Variants in SEMA6D observed in about 807,000 individuals in gnomAD.
SEMA6D encodes semaphorin 6D.
A neutral mutation model predicts 106.6 loss-of-function variants in SEMA6D; 35 were observed. The ratio of observed to expected loss-of-function variants is 0.33; its 90% CI spans 0.25 to 0.44. SEMA6D has a LOEUF of 0.44. Ranked by LOEUF, SEMA6D falls within the 20% of genes least tolerant of loss-of-function variation. The pLI is 1.00. For missense variants in SEMA6D, 1,185 were observed against 1,345.9 expected (o/e 0.88, Z 1.87); for synonymous variants, 499 against 487.7 (o/e 1.02, Z -0.31).
At chr15:47,336,300 C>T (rs997670187) in intron 1 of SEMA6D, among the ~76,000 whole-genome samples, 2 of 152,170 alleles carry the variant, frequency 1.3e-5, no homozygotes, top group Non-Finnish European at 2.9e-5. Context: ...GGCCTGTAAA[C>T]CTGTCCTTCA....
At chr15:47,355,494 G>A (rs1434819947) in intron 1 of SEMA6D, among the ~76,000 whole-genome samples, 1 of 152,148 alleles carries the variant, frequency 6.6e-6, no homozygotes, top group Non-Finnish European at 1.5e-5. Context: ...TAAAGACTGC[G>A]TGTGTGTATG....
chr15:47,328,953 C>G (rs971894093), intron 1 of SEMA6D, among the ~76,000 whole-genome samples: 1 of 152,198 alleles, frequency 6.6e-6, no homozygotes, highest in African/African-American at 2.4e-5. Context: ...TCATTCATCA[C>G]TATAATAAAC....
At chr15:47,396,303 GAT>G (rs34220041) in intron 1 of SEMA6D, 5 of 150,108 alleles carry the variant, frequency 3.3e-5, no homozygotes, top group Admixed American at 6.7e-5. Flanking sequence ...TAACAGAATA[GAT>G]ATATATATAT....
chr15:47,764,446 T>G, intron 11 of SEMA6D, 141 bp downstream of exon 11: 1 of 1,269,180 alleles, frequency 7.9e-7, no homozygotes, highest in Non-Finnish European at 1.1e-6. Flanking sequence ...AGACATAGCC[T>G]TGTGACCTGC....
chr15:47,750,764 G>A lies in SEMA6D; in HGVS notation c.-54-8981G>A, dbSNP rs561026509. ...ACCTGGGAACCCACATTCCTAGAAG[G>A]AGGAAGGGTCTCAGAGTTGGGGCCT... On this transcript the variant is annotated intron_variant, in intron 1 of 18. Coordinates refer to ENST00000536845, the MANE Select transcript of SEMA6D (RefSeq NM_001358351.3). 1.1e-4 allele frequency among the ~76,000 whole-genome samples: 17 copies of A among 152,322 alleles called. No homozygotes were observed. In the South Asian group the frequency reaches 3.3e-3, roughly 30 times the overall value.
chr15:47,650,986 G>C (rs1292780461), intron 4 of SEMA6D, among the ~76,000 whole-genome samples: 2 of 152,182 alleles, frequency 1.3e-5, no homozygotes, highest in Admixed American at 1.3e-4. Context: ...GGGTGCTCGT[G>C]ATTGTCTATG....
At chr15:47,767,321 C>A in intron 17 of SEMA6D, 1 of 389,064 alleles carries the variant, frequency 2.6e-6, no homozygotes, top group Non-Finnish European at 4.6e-6. Flanking sequence ...TAAGAAAATT[C>A]AAATGGGCTA....
chr15:47,476,647 G>T (rs888323156), intron 3 of SEMA6D, among the ~76,000 whole-genome samples: 1 of 152,066 alleles, frequency 6.6e-6, no homozygotes, highest in Non-Finnish European at 1.5e-5. Flanking sequence ...GAATGGGGGT[G>T]GGGGGAGCAT....
intron 3 of SEMA6D, among the ~76,000 whole-genome samples, chr15:47,477,435 G>A (rs1450138951): frequency 1.3e-5 from 2 of 152,132 alleles, no homozygotes; most frequent in Non-Finnish European, 2.9e-5. Flanking sequence ...CCATTAATCT[G>A]TAGCAGGGAA....
intron 1 of SEMA6D, among the ~76,000 whole-genome samples, chr15:47,308,383 C>G (rs1164955710): frequency 6.6e-6 from 1 of 152,132 alleles, no homozygotes; most frequent in African/African-American, 2.4e-5. Context: ...GGCATAACTT[C>G]AGGTATATAG....
At chr15:47,678,935 A>G (rs1037589158) in intron 4 of SEMA6D, among the ~76,000 whole-genome samples, 1 of 152,198 alleles carries the variant, frequency 6.6e-6, no homozygotes, top group African/African-American at 2.4e-5. Flanking sequence ...TAAAATGGGA[A>G]TGAAAGCCAG....
chr15:47,225,779 C>T (rs2031611895), intron 1 of SEMA6D, among the ~76,000 whole-genome samples: 1 of 152,002 alleles, frequency 6.6e-6, no homozygotes, highest in Non-Finnish European at 1.5e-5. Flanking sequence ...ATCCGCCCAC[C>T]ATGGCCTCCC....
At chr15:47,392,107 A>C (rs1365184386) in intron 1 of SEMA6D, among the ~76,000 whole-genome samples, 1 of 152,096 alleles carries the variant, frequency 6.6e-6, no homozygotes, top group African/African-American at 2.4e-5. Flanking sequence ...ATTTCCACCA[A>C]CCACTCGTTC....
intron 4 of SEMA6D, among the ~76,000 whole-genome samples, chr15:47,663,180 C>T (rs1162018548): frequency 1.3e-5 from 2 of 152,092 alleles, no homozygotes; most frequent in Non-Finnish European, 2.9e-5. Context: ...ACATCAACTC[C>T]CTTAATTCAG....
At chr15:47,329,092 T>G (rs909010433) in intron 1 of SEMA6D, among the ~76,000 whole-genome samples, 1 of 152,218 alleles carries the variant, frequency 6.6e-6, no homozygotes, top group Non-Finnish European at 1.5e-5. Context: ...CCTGACATGG[T>G]TCTTGGTGCT....
intron 4 of SEMA6D, among the ~76,000 whole-genome samples, chr15:47,646,889 C>A (rs1269817197): frequency 3.3e-5 from 5 of 152,166 alleles, no homozygotes; most frequent in African/African-American, 7.2e-5. Context: ...ACAAGATTTT[C>A]AGAGACTAAA....
chr15:47,386,364 T>A (rs901925932), intron 1 of SEMA6D, among the ~76,000 whole-genome samples: 1 of 152,166 alleles, frequency 6.6e-6, no homozygotes. Flanking sequence ...AAGCTACATT[T>A]GCCCAGGGTC....
intron 4 of SEMA6D, among the ~76,000 whole-genome samples, chr15:47,680,005 T>C (rs947188255): frequency 6.6e-6 from 1 of 152,120 alleles, no homozygotes; most frequent in African/African-American, 2.4e-5. Context: ...TCACCAGATA[T>C]TCCCTTTCAT....
intron 1 of SEMA6D, among the ~76,000 whole-genome samples, chr15:47,259,570 G>T (rs554509355): frequency 6.6e-6 from 1 of 151,764 alleles, no homozygotes; most frequent in Non-Finnish European, 1.5e-5. Context: ...CCCCCAATAG[G>T]TAGTGTGTCA....
Sources: gnomAD v4.1 joint callset for allele counts (sites outside exome capture counted in the v4.1 genomes callset) on GRCh38, gnomAD v4.1.1 for gene constraint, MANE v1.5 for transcripts, NCBI Gene and HGNC (gene_info 2026-07-23, HGNC 2026-07-21) for gene names.